Variants in TJP1 observed in about 807,000 individuals in gnomAD.
TJP1 encodes tight junction protein 1.
Under a neutral mutation model 194.2 loss-of-function variants are expected in TJP1, and 43 were observed. The ratio of observed to expected loss-of-function variants is 0.22; its 90% CI spans 0.17 to 0.29. The LOEUF (loss-of-function observed/expected upper bound fraction) is 0.29. TJP1 is among the 10% of genes least tolerant of loss of function. The probability of loss-of-function intolerance (pLI) is 1.00; values close to 1 mark genes in which losing one functional copy is unlikely to be tolerated. For synonymous variants in TJP1, 801 were observed against 779.0 expected, an observed-to-expected ratio of 1.03 and a Z score of -0.47; for missense variants, 1,971 against 2,185.7, an observed-to-expected ratio of 0.90 and a Z score of 1.96.
At chr15:29,931,841 G>C (rs2054724842) in intron 2 of TJP1, among the ~76,000 whole-genome samples, 1 of 152,214 alleles carries the variant, frequency 6.6e-6, no homozygotes, top group Non-Finnish European at 1.5e-5. Context: ...AGGGCTGCTG[G>C]TTGCCCATTT....
intron 9 of TJP1, among the ~76,000 whole-genome samples, chr15:29,742,309 C>T (rs149203385): frequency 6.6e-6 from 1 of 151,520 alleles, no homozygotes; most frequent in African/African-American, 2.4e-5. Flanking sequence ...TTTATGAAAA[C>T]ACTTTCAAAA....
intron 25 of TJP1, among the ~76,000 whole-genome samples, chr15:29,706,076 C>A (rs1043644912): frequency 6.6e-6 from 1 of 152,012 alleles, no homozygotes; most frequent in Admixed American, 6.6e-5. Context: ...GGACTACAGG[C>A]GCACGCCACC....
At chr15:29,952,079 C>T (rs1009666928) in intron 2 of TJP1, among the ~76,000 whole-genome samples, 8 of 152,144 alleles carry the variant, frequency 5.3e-5, no homozygotes, top group Admixed American at 2.6e-4. Context: ...AAACATCATT[C>T]ACTAAATCTA....
chr15:29,763,541 G>A (rs977250064), intron 5 of TJP1, among the ~76,000 whole-genome samples: 10 of 152,042 alleles, frequency 6.6e-5, no homozygotes, highest in African/African-American at 2.2e-4. Context: ...AGGCCAAGGC[G>A]GGCGGACCAC....
At chr15:29,912,267 G>C (rs576485626) in intron 2 of TJP1, among the ~76,000 whole-genome samples, 1 of 152,288 alleles carries the variant, frequency 6.6e-6, no homozygotes, top group African/African-American at 2.4e-5. Context: ...ATGGCACCGG[G>C]GAGTTAGGAT....
chr15:29,806,515 C>T (rs1443350405), intron 1 of TJP1, among the ~76,000 whole-genome samples: 2 of 152,194 alleles, frequency 1.3e-5, no homozygotes, highest in Admixed American at 6.5e-5. Context: ...TAAGAACACT[C>T]TGTGAACCCT....
intron 2 of TJP1, among the ~76,000 whole-genome samples, chr15:29,859,122 TA>T (rs2051974028): frequency 6.6e-6 from 1 of 152,204 alleles, no homozygotes; most frequent in South Asian, 2.1e-4. Flanking sequence ...CTATTTGTAA[TA>T]ACAAGGAAAA....
Position 29,718,960 on chromosome 15 carries a change from T to C in TJP1, c.3182A>G (p.Tyr1061Cys). Residue 1061 changes from tyrosine (Y) to cysteine (C), a missense_variant, in exon 21 of 28, where the codon TAC becomes TGC. Physicochemically the swap from Tyr to Cys is radical, Grantham distance 194 (BLOSUM62 -2). Around this residue, in one of 5 missense-constraint regions of TJP1, gnomAD observed 1,108 missense variants for 1,128.5 expected, o/e 0.98. Coordinates refer to ENST00000614355, the MANE Select transcript of TJP1 (RefSeq NM_001330239.4). Reference sequence around the variant, plus strand: ...CTGGTCCGTATAGCTTGAGGACTCGTATCTGTATGTGGGCTGCTCGAGGTC... The same window carrying C: ...CTGGTCCGTATAGCTTGAGGACTCGCATCTGTATGTGGGCTGCTCGAGGTC... ...SRDLEQPTYRYESSSYTDQFS... is the reference protein window; with the variant it reads ...SRDLEQPTYRCESSSYTDQFS... 6.2e-7 allele frequency: 1 copy of C among 1,614,180 alleles called. No homozygotes were observed. Among genetic ancestry groups the C allele is most frequent in the Non-Finnish European group, 8.5e-7 (1 of 1,180,038 alleles).
intron 2 of TJP1, among the ~76,000 whole-genome samples, chr15:29,911,663 C>T (rs1567188951): frequency 1.3e-5 from 2 of 152,124 alleles, no homozygotes; most frequent in Non-Finnish European, 2.9e-5. Flanking sequence ...GGAAATCCAC[C>T]CCTATGATCC....
At chr15:29,939,837 G>A (rs2055007138) in intron 2 of TJP1, among the ~76,000 whole-genome samples, 1 of 152,100 alleles carries the variant, frequency 6.6e-6, no homozygotes, top group South Asian at 2.1e-4. Context: ...ACCAGGAAGT[G>A]GGCCTCCCCA....
chr15:29,761,144 A>G lies in TJP1; in HGVS notation c.1005T>C (p.Asn335=), dbSNP rs747422524. The change falls in exon 8 of 28, where the codon AAT becomes AAC. Residue 335 remains asparagine, a synonymous_variant. Transcript: ENST00000614355. Reference sequence around the variant, plus strand: ...AAAAAAATAGGGTGTCTTACCTGCCATTGCTTGGCTGCTGCGGCGAGTGCC... The same window carrying G: ...AAAAAAATAGGGTGTCTTACCTGCCGTTGCTTGGCTGCTGCGGCGAGTGCC... ...HSRHSPQQPS[N]GSLRSRDEER... 11 of 1,595,070 alleles carry G rather than the reference A, an allele frequency of 6.9e-6. No homozygotes were observed. In the African/African-American group the frequency reaches 9.4e-5, roughly 14 times the overall value.
chr15:29,796,340 T>TAAAAAA (rs535486616), intron 2 of TJP1, among the ~76,000 whole-genome samples: 1 of 83,148 alleles, frequency 1.2e-5, no homozygotes, highest in South Asian at 3.3e-4. Flanking sequence ...AAGGTTGCTA[T>TAAAAAA]AAAAAAAAAA....
intron 27 of TJP1, among the ~76,000 whole-genome samples, chr15:29,703,264 A>T (rs2041669342): frequency 6.6e-6 from 1 of 152,106 alleles, no homozygotes; most frequent in Admixed American, 6.5e-5. Flanking sequence ...AGCCTGGCCA[A>T]CATGGTGAAA....
intron 2 of TJP1, among the ~76,000 whole-genome samples, chr15:29,951,994 T>G (rs1257833611): frequency 2.6e-5 from 4 of 152,214 alleles, no homozygotes; most frequent in African/African-American, 9.6e-5. Context: ...GTTAAATTTT[T>G]AAATTATCAC....
intron 2 of TJP1, among the ~76,000 whole-genome samples, chr15:29,893,837 C>A (rs925218999): frequency 4.6e-5 from 7 of 152,136 alleles, no homozygotes; most frequent in African/African-American, 1.7e-4. Flanking sequence ...ACAACACCCC[C>A]AAGATATCCC....
intron 1 of TJP1, chr15:29,821,318 T>C (rs2050326542): frequency 6.6e-6 from 1 of 152,242 alleles, no homozygotes; most frequent in Non-Finnish European, 1.5e-5. Flanking sequence ...TTTTAAGTGC[T>C]CATCTTATTG....
chr15:29,938,961 A>G (rs1354448154), intron 2 of TJP1, among the ~76,000 whole-genome samples: 1 of 152,232 alleles, frequency 6.6e-6, no homozygotes, highest in Admixed American at 6.5e-5. Context: ...GAGAAGGTTC[A>G]TCCCCGAAAT....
At position 29,719,908 on chromosome 15, in the gene TJP1, C is replaced by T. The variant is rs2042824748; in HGVS notation, c.2872G>A (p.Glu958Lys). Reference protein sequence around the residue: ...NVNLTNVRLEEPTPAPSTSYS... With the variant: ...NVNLTNVRLEKPTPAPSTSYS... ...GAGGTGGAAGGAGCTGGGGTGGGCT[C>T]CTCCAGTCTGACATTAGTTAAATTT... The change falls in exon 20 of 28, where the codon GAG (glutamate) becomes AAG (lysine). Residue 958 changes from glutamate (E) to lysine (K), a missense_variant. By Grantham distance (56) the Glu-to-Lys change is moderately conservative. Transcript: ENST00000614355. The T allele has an allele frequency of 2.5e-6, 4 of 1,614,036 alleles. No individual in the cohort carries two copies. The highest frequency in any genetic ancestry group is 3.4e-6 in the Non-Finnish European group (4 of 1,179,996).
intron 2 of TJP1, among the ~76,000 whole-genome samples, chr15:29,937,122 A>T (rs1241937906): frequency 6.6e-6 from 1 of 152,244 alleles, no homozygotes; most frequent in Admixed American, 6.5e-5. Flanking sequence ...CCATACTACT[A>T]TTATAGACTC....
Sources: allele counts gnomAD v4.1 joint callset (sites outside exome capture counted in the v4.1 genomes callset), GRCh38; gene constraint gnomAD v4.1.1; regional missense constraint gnomAD v4.1.1; transcripts MANE v1.5; gene names NCBI Gene and HGNC (gene_info 2026-07-23, HGNC 2026-07-21).